Variants in MICU1 observed in about 807,000 individuals in gnomAD.
MICU1 encodes mitochondrial calcium uptake 1, also known as calcium uptake protein 1, mitochondrial.
A neutral mutation model predicts 56.8 loss-of-function variants in MICU1; 45 were observed. The ratio of observed to expected loss-of-function variants is 0.79; its 90% CI spans 0.62 to 1.02. MICU1 has a LOEUF of 1.02. Among genes scored for constraint, MICU1 ranks in the 50% least tolerant of loss-of-function variants. MICU1 has a pLI of 0.00. For synonymous variants in MICU1, 186 were observed against 195.1 expected, an observed-to-expected ratio of 0.95 and a Z score of 0.39; for missense variants, 504 against 587.1, an observed-to-expected ratio of 0.86 and a Z score of 1.46.
At chr10:72,533,468 G>C (rs1335857979) in intron 5 of MICU1, among the ~76,000 whole-genome samples, 3 of 152,150 alleles carry the variant, frequency 2.0e-5, no homozygotes, top group African/African-American at 4.8e-5. Flanking sequence ...TAATCTTTAT[G>C]ATGACTATTG....
chr10:72,614,414 T>C (rs1303485438), intron 1 of MICU1, among the ~76,000 whole-genome samples: 1 of 152,208 alleles, frequency 6.6e-6, no homozygotes, highest in East Asian at 1.9e-4. Context: ...TGAATAGATA[T>C]TTGTACAGCC....
intron 8 of MICU1, among the ~76,000 whole-genome samples, chr10:72,440,180 T>C (rs1253158337): frequency 6.6e-6 from 1 of 152,192 alleles, no homozygotes; most frequent in African/African-American, 2.4e-5. Context: ...CAAAGCAGCA[T>C]GGTACTGGTA....
chr10:72,622,596 T>C (rs1200622438), intron 1 of MICU1, among the ~76,000 whole-genome samples: 2 of 152,224 alleles, frequency 1.3e-5, no homozygotes, highest in African/African-American at 4.8e-5. Flanking sequence ...GTAAGCCTAG[T>C]GCTGGTATTA....
chr10:72,500,273 TATATATATATATATATATATATATATATA>T (rs1564904415), intron 6 of MICU1, among the ~76,000 whole-genome samples: 1 of 10,524 alleles, frequency 9.5e-5, no homozygotes, highest in Non-Finnish European at 4.3e-4. Flanking sequence ...TATATATATA[TATATATATATATATATATATATATATATA>T]TTTTTTTTTT....
At chr10:72,520,856 G>A (rs1867795960) in intron 5 of MICU1, among the ~76,000 whole-genome samples, 4 of 152,204 alleles carry the variant, frequency 2.6e-5, no homozygotes, top group South Asian at 4.1e-4. Flanking sequence ...GTATCTGAAC[G>A]AGGTATTATC....
chr10:72,580,928 CATA>C (rs1840882951), intron 1 of MICU1, among the ~76,000 whole-genome samples: 2 of 151,950 alleles, frequency 1.3e-5, no homozygotes, highest in Admixed American at 1.3e-4. Context: ...TACTGGAAAA[CATA>C]ATTATTATTC....
intron 8 of MICU1, among the ~76,000 whole-genome samples, chr10:72,460,668 A>G (rs1260346601): frequency 1.3e-5 from 2 of 152,226 alleles, no homozygotes; most frequent in Non-Finnish European, 2.9e-5. Flanking sequence ...TAATTCATTC[A>G]CAAATGACTG....
chr10:72,569,773 T>C (rs935931844), intron 1 of MICU1, among the ~76,000 whole-genome samples: 1 of 152,184 alleles, frequency 6.6e-6, no homozygotes, highest in Admixed American at 6.5e-5. Context: ...CTCTAGATTA[T>C]GACCTTCAGG....
chr10:72,616,592 A>C (rs1841986784), intron 1 of MICU1, among the ~76,000 whole-genome samples: 1 of 151,898 alleles, frequency 6.6e-6, no homozygotes, highest in African/African-American at 2.4e-5. Context: ...CATCTAAAAA[A>C]AAAAAAAAAA....
chr10:72,436,519 A>G (rs941211165), intron 8 of MICU1, among the ~76,000 whole-genome samples: 5 of 152,230 alleles, frequency 3.3e-5, no homozygotes, highest in African/African-American at 9.6e-5. Context: ...AAAGGATCGC[A>G]GCTCCTTGCC....
intron 6 of MICU1, among the ~76,000 whole-genome samples, chr10:72,498,622 G>C (rs1369594575): frequency 6.6e-6 from 1 of 152,040 alleles, no homozygotes; most frequent in African/African-American, 2.4e-5. Flanking sequence ...GAAGCCTTCG[G>C]ATTTACTCCC....
chr10:72,561,837 A>G (rs1379815545), intron 3 of MICU1, among the ~76,000 whole-genome samples: 1 of 152,174 alleles, frequency 6.6e-6, no homozygotes, highest in Admixed American at 6.5e-5. Context: ...ACTTCATCTA[A>G]CATATGAAAC....
At position 72,578,607 on chromosome 10, in the gene MICU1, CTGT is replaced by C. The variant is rs897927619; in HGVS notation, c.-1-11816_-1-11814del. Among the ~76,000 whole-genome samples the C allele has an allele frequency of 1.9e-3, 294 of 151,554 alleles. 3 individuals carry two copies. Among genetic ancestry groups the C allele is most frequent in the African/African-American group, 6.7e-3 (275 of 41,346 alleles). On this transcript the variant is annotated intron_variant, in intron 1 of 11. Transcript: ENST00000361114. ...TTAAGGCATGTACACATTTTTTTTG[CTGT>C]TGTTGTTGTTGTTTTGAGACAGAGT...
intron 7 of MICU1, among the ~76,000 whole-genome samples, chr10:72,476,226 C>CAAA (rs71018297): frequency 2.0e-3 from 145 of 72,770 alleles, no homozygotes; most frequent in Admixed American, 2.3e-3. Context: ...GACTCCATCT[C>CAAA]AAAAAAAAAA....
At chr10:72,447,486 T>G (rs1012764668) in intron 8 of MICU1, among the ~76,000 whole-genome samples, 7 of 152,186 alleles carry the variant, frequency 4.6e-5, no homozygotes, top group Non-Finnish European at 7.3e-5. Context: ...ACAGACTGAC[T>G]GTAAGTATAC....
In MICU1 at chr10:72,579,311, G is replaced by T. The variant is rs528781889; in HGVS notation, c.-1-12517C>A. On this transcript the variant is annotated intron_variant, in intron 1 of 11. Coordinates refer to ENST00000361114, the MANE Select transcript of MICU1 (RefSeq NM_001195518.2). ...CCAGCAGATTCTGTGTCTAGTAAGG[G>T]CCTGTTCCGCATAGACACAGGCTTC... Among the ~76,000 whole-genome samples, 14 of 152,236 alleles carry T rather than the reference G, an allele frequency of 9.2e-5. No individual in the cohort carries two copies. The East Asian group carries it at 2.7e-3, about 29-fold the overall frequency.
intron 5 of MICU1, chr10:72,509,518 C>A: frequency 1.3e-6 from 1 of 780,104 alleles, no homozygotes; most frequent in East Asian, 6.3e-5. Flanking sequence ...TCAATAAACT[C>A]ATTCAAAATA....
At chr10:72,518,385 T>C (rs938184731) in intron 5 of MICU1, among the ~76,000 whole-genome samples, 4 of 152,218 alleles carry the variant, frequency 2.6e-5, no homozygotes, top group African/African-American at 9.6e-5. Context: ...TATATTAATA[T>C]GTAATTTTTA....
chr10:72,429,441 A>G (rs1864455632), intron 8 of MICU1, among the ~76,000 whole-genome samples: 2 of 151,920 alleles, frequency 1.3e-5, no homozygotes, highest in South Asian at 4.2e-4. Flanking sequence ...AAAAAGAAAA[A>G]AAATTCAATA....
Sources: gnomAD v4.1 joint callset for allele counts (sites outside exome capture counted in the v4.1 genomes callset) on GRCh38, gnomAD v4.1.1 for gene constraint, MANE v1.5 for transcripts, NCBI Gene and HGNC (gene_info 2026-07-23, HGNC 2026-07-21) for gene names.